The following ZSWIM6 variants were observed in gnomAD, a reference collection of about 807,000 sequenced individuals.
ZSWIM6 encodes zinc finger SWIM domain-containing protein 6.
Under a neutral mutation model 113.2 loss-of-function variants are expected in ZSWIM6, and 9 were observed. The observed-to-expected ratio is 0.08, with a 90% CI of 0.05 to 0.14. ZSWIM6 has a LOEUF of 0.14. ZSWIM6 is among the 10% of genes least tolerant of loss of function. The pLI, the probability that ZSWIM6 is intolerant of heterozygous loss-of-function variation, is 1.00. For synonymous variants in ZSWIM6, 611 were observed against 606.5 expected (o/e 1.01, Z -0.11); for missense variants, 1,162 against 1,552.2 (o/e 0.75, Z 4.22).
intron 3 of ZSWIM6, among the ~76,000 whole-genome samples, chr5:61,491,316 T>C (rs188699332): frequency 6.6e-6 from 1 of 152,204 alleles, no homozygotes; most frequent in Non-Finnish European, 1.5e-5. Context: ...GCTTTAATTA[T>C]TTAGTTTAAT....
chr5:61,338,968 T>A (rs895380411), intron 1 of ZSWIM6, among the ~76,000 whole-genome samples: 2 of 152,218 alleles, frequency 1.3e-5, no homozygotes, highest in African/African-American at 4.8e-5. Flanking sequence ...CCTCACTGAT[T>A]TTTAAGATTT....
intron 1 of ZSWIM6, among the ~76,000 whole-genome samples, chr5:61,367,161 G>T (rs1010912463): frequency 1.3e-5 from 2 of 152,172 alleles, no homozygotes; most frequent in African/African-American, 4.8e-5. Flanking sequence ...ATCCCTAAGC[G>T]TGAGCCAGTC....
chr5:61,492,820 G>T (rs1748217098), intron 3 of ZSWIM6, among the ~76,000 whole-genome samples: 1 of 152,022 alleles, frequency 6.6e-6, no homozygotes, highest in Non-Finnish European at 1.5e-5. Flanking sequence ...CCTCAGGCAG[G>T]ATCTATTCTA....
In ZSWIM6 at chr5:61,514,272, G is replaced by A. The variant is rs938855643; in HGVS notation, c.1334-6991G>A. ...CTACAGTTTTTTGTTTGATTTAAGTGTTTTTTTTTTTTCATTTGAACTTAT... is the reference window on the plus strand; with the variant it reads ...CTACAGTTTTTTGTTTGATTTAAGTATTTTTTTTTTTTCATTTGAACTTAT... On this transcript the variant is annotated intron_variant, in intron 4 of 13. Coordinates refer to ENST00000252744, the MANE Select transcript of ZSWIM6 (RefSeq NM_020928.2). Among the ~76,000 whole-genome samples the A allele has an allele frequency of 5.1e-5, 7 of 136,720 alleles. 1 individual carries two copies. Among genetic ancestry groups the A allele is most frequent in the Admixed American group, 7.3e-5 (1 of 13,702 alleles). 89.7% of individuals were successfully genotyped at this position (136,720 alleles called of 152,430 possible).
intron 1 of ZSWIM6, among the ~76,000 whole-genome samples, chr5:61,404,458 C>A (rs1746008551): frequency 6.6e-6 from 1 of 152,188 alleles, no homozygotes; most frequent in African/African-American, 2.4e-5. Context: ...CCATGGCTAC[C>A]ACCTCTCAAG....
In ZSWIM6 at chr5:61,531,431, T is replaced by G. The variant is rs765186476; in HGVS notation, c.1985-34T>G. The G allele has an allele frequency of 1.9e-5, 29 of 1,526,706 alleles. No homozygotes were observed. The South Asian group carries it at 3.4e-4, about 18-fold the overall frequency. The allele number at this position is 1,526,706 out of a possible 1,614,324, so 94.6% of individuals were successfully genotyped here. A position where few individuals can be genotyped will look rare whatever the true frequency, so the allele number is the denominator to read the frequency against. ...TATCATATCATCTGCAAAAGTAGTT[T>G]CTGAGCTCTGATTTCTTTTGTGGCA... On this transcript the variant is annotated intron_variant, in intron 8 of 13. Transcript: ENST00000252744.
At chr5:61,430,897 A>G (rs1579992651) in intron 1 of ZSWIM6, among the ~76,000 whole-genome samples, 2 of 152,176 alleles carry the variant, frequency 1.3e-5, no homozygotes. Context: ...TTATGTTTTA[A>G]ATGTTTAGAT....
At chr5:61,519,697 C>G (rs1749059695) in intron 4 of ZSWIM6, among the ~76,000 whole-genome samples, 1 of 151,936 alleles carries the variant, frequency 6.6e-6, no homozygotes, top group Admixed American at 6.6e-5. Flanking sequence ...GGTTGTGGCC[C>G]TTTTTGTTTT....
intron 7 of ZSWIM6, among the ~76,000 whole-genome samples, chr5:61,527,337 T>G (rs1358670764): frequency 6.6e-6 from 1 of 152,200 alleles, no homozygotes; most frequent in African/African-American, 2.4e-5. Context: ...GCTGGGTTTT[T>G]GTTTTGGTTT....
At chr5:61,428,739 T>C (rs551203920) in intron 1 of ZSWIM6, among the ~76,000 whole-genome samples, 19 of 152,314 alleles carry the variant, frequency 1.2e-4, no homozygotes, top group Non-Finnish European at 2.2e-4. Flanking sequence ...CAGAACATGG[T>C]CCCATTTCAT....
At chr5:61,432,548 C>A (rs998925328) in intron 1 of ZSWIM6, among the ~76,000 whole-genome samples, 1 of 152,188 alleles carries the variant, frequency 6.6e-6, no homozygotes, top group East Asian at 1.9e-4. Context: ...AGCCTTGGGC[C>A]CCAATGCCCC....
At chr5:61,434,882 C>G (rs1025679022) in intron 1 of ZSWIM6, among the ~76,000 whole-genome samples, 4 of 152,168 alleles carry the variant, frequency 2.6e-5, no homozygotes, top group African/African-American at 9.6e-5. Context: ...ATCACAGTTA[C>G]GAAACAAATA....
In ZSWIM6 at chr5:61,391,716, G is replaced by A; in HGVS notation, c.676+58768G>A. ...CGACTTCCCGCATGATGTTGGTCAT[G>A]CCAGCCTTGTATCCCAGGAAGGCTG... On this transcript the variant is annotated intron_variant, in intron 1 of 13. Transcript: ENST00000252744. The A allele has an allele frequency of 3.5e-6, 4 of 1,152,652 alleles. No homozygotes were observed. The South Asian group carries it at 4.9e-5, about 14-fold the overall frequency. The allele number at this position is 1,152,652 out of a possible 1,614,324, so 71.4% of individuals were successfully genotyped here. A position where few individuals can be genotyped will look rare whatever the true frequency, so the allele number is the denominator to read the frequency against.
chr5:61,493,872 GA>G (rs1266688136), intron 3 of ZSWIM6, among the ~76,000 whole-genome samples: 2 of 150,874 alleles, frequency 1.3e-5, no homozygotes, highest in Non-Finnish European at 3.0e-5. Context: ...AGGAGAACTG[GA>G]AAAAAAGTTT....
chr5:61,521,472 T>G (rs1285514548), intron 5 of ZSWIM6, 30 bp downstream of exon 5: 1 of 1,399,922 alleles, frequency 7.1e-7, no homozygotes, highest in East Asian at 2.9e-5. Context: ...CTGCTTAAAT[T>G]GTAGCTACTT....
At chr5:61,380,296 G>A (rs1261843411) in intron 1 of ZSWIM6, among the ~76,000 whole-genome samples, 4 of 152,104 alleles carry the variant, frequency 2.6e-5, no homozygotes, top group African/African-American at 9.7e-5. Context: ...GGCTGGTCTC[G>A]AACTCCTGAC....
intron 1 of ZSWIM6, among the ~76,000 whole-genome samples, chr5:61,457,623 G>A (rs1747231313): frequency 6.6e-6 from 1 of 152,040 alleles, no homozygotes; most frequent in African/African-American, 2.4e-5. Flanking sequence ...CCAGGTTCAA[G>A]CAATTCTCCT....
intron 4 of ZSWIM6, among the ~76,000 whole-genome samples, chr5:61,516,606 T>G (rs1189456461): frequency 6.6e-6 from 1 of 150,582 alleles, no homozygotes; most frequent in Non-Finnish European, 1.5e-5. Flanking sequence ...TTTTATGTTA[T>G]AGTTGTCATG....
intron 1 of ZSWIM6, among the ~76,000 whole-genome samples, chr5:61,352,879 T>C (rs1434890460): frequency 6.6e-6 from 1 of 152,202 alleles, no homozygotes; most frequent in Non-Finnish European, 1.5e-5. Flanking sequence ...TTTGCTCACA[T>C]GCATAGGTCA....
Sources: allele counts gnomAD v4.1 joint callset (sites outside exome capture counted in the v4.1 genomes callset), GRCh38; gene constraint gnomAD v4.1.1; transcripts MANE v1.5; gene names NCBI Gene and HGNC (gene_info 2026-07-23, HGNC 2026-07-21).